The following TMED10 variants were observed in gnomAD, a reference collection of about 807,000 sequenced individuals.
TMED10 encodes the protein transmembrane p24 trafficking protein 10.
A neutral mutation model predicts 23.1 loss-of-function variants in TMED10; 7 were observed. That is an observed-to-expected ratio of 0.30 (90% confidence interval 0.17 to 0.57). The LOEUF (loss-of-function observed/expected upper bound fraction) is 0.57. TMED10 is among the 20% of genes least tolerant of loss of function. The pLI is 0.91. For synonymous variants in TMED10, 113 were observed against 106.9 expected, an observed-to-expected ratio of 1.06 and a Z score of -0.35; for missense variants, 162 against 274.8, an observed-to-expected ratio of 0.59 and a Z score of 2.90.
At chr14:75,140,526 G>A (rs1895809548) in intron 3 of TMED10, among the ~76,000 whole-genome samples, 1 of 152,054 alleles carries the variant, frequency 6.6e-6, no homozygotes. Flanking sequence ...TGGCCAACAT[G>A]GTGAAACCCA....
chr14:75,172,174 G>A (rs1896242156), intron 1 of TMED10, among the ~76,000 whole-genome samples: 1 of 152,122 alleles, frequency 6.6e-6, no homozygotes, highest in Non-Finnish European at 1.5e-5. Flanking sequence ...CAATTGCAAG[G>A]ATAAAAAAGG....
At chr14:75,166,877 T>C (rs748000361) in intron 1 of TMED10, among the ~76,000 whole-genome samples, 3 of 151,596 alleles carry the variant, frequency 2.0e-5, no homozygotes, top group African/African-American at 4.9e-5. Flanking sequence ...TAAGGGTTCA[T>C]GGGATCGTTA....
Position 75,134,987 on chromosome 14 carries a change from G to A in TMED10, c.558C>T (p.Val186=). 1.2e-6 allele frequency: 2 copies of A among 1,613,938 alleles called. No individual in the cohort carries two copies. Among genetic ancestry groups the A allele is most frequent in the Non-Finnish European group, 1.7e-6 (2 of 1,179,950 alleles). ...ACATTGAAAAGATGCTGAAGTATAG[G>A]ACCCGAGTGTTTGTTGACTCTAAAA... ...RDTNESTNTR[V]LYFSIFSMFC... is the part of the protein sequence containing the mutation. The change falls in exon 5 of 5, where the codon GTC becomes GTT. Residue 186 remains valine, a synonymous_variant. Transcript: ENST00000303575.
rs962565134 is a variant in TMED10, at chr14:75,173,407, G to T, written c.225+2948C>A. ...AGGAAGGAAGGGAAGGAAGAGGGGA[G>T]GGGAGGGGAAGGGAAAAATCAGATG... On this transcript the variant is annotated intron_variant, in intron 1 of 4. Transcript: ENST00000303575. Among the ~76,000 whole-genome samples, 14 of 151,872 alleles carry T rather than the reference G, an allele frequency of 9.2e-5. 1 individual carries two copies. In the South Asian group the frequency reaches 2.9e-3, roughly 32 times the overall value.
chr14:75,164,583 T>A (rs1291835290), intron 1 of TMED10, among the ~76,000 whole-genome samples: 3 of 66,914 alleles, frequency 4.5e-5, no homozygotes, highest in African/African-American at 1.7e-4. Flanking sequence ...ATATATTTTT[T>A]TTTTTTTTTT....
chr14:75,146,568 T>C (rs531163514), intron 3 of TMED10, among the ~76,000 whole-genome samples: 1 of 152,346 alleles, frequency 6.6e-6, no homozygotes, highest in South Asian at 2.1e-4. Context: ...TAAATAGTTC[T>C]TGTGGTTTTT....
intron 1 of TMED10, among the ~76,000 whole-genome samples, chr14:75,166,035 G>A (rs982577254): frequency 2.0e-5 from 3 of 152,004 alleles, no homozygotes; most frequent in South Asian, 2.1e-4. Context: ...GGAGGGGAAC[G>A]AGAACGAAAG....
At chr14:75,157,455 C>A (rs1896032815) in intron 1 of TMED10, among the ~76,000 whole-genome samples, 1 of 152,032 alleles carries the variant, frequency 6.6e-6, no homozygotes, top group Non-Finnish European at 1.5e-5. Flanking sequence ...AGTTTGAGAC[C>A]AGCCTGGGCA....
intron 1 of TMED10, among the ~76,000 whole-genome samples, chr14:75,153,558 C>T (rs1455554653): frequency 6.6e-6 from 1 of 152,154 alleles, no homozygotes; most frequent in Non-Finnish European, 1.5e-5. Flanking sequence ...AAGCATATTT[C>T]ATCACTTAAG....
intron 1 of TMED10, among the ~76,000 whole-genome samples, chr14:75,173,820 T>G (rs1205184551): frequency 1.3e-5 from 2 of 152,220 alleles, no homozygotes; most frequent in African/African-American, 4.8e-5. Flanking sequence ...AGCCACTGCC[T>G]CCCAGGTTCT....
chr14:75,136,305 T>G (rs1474322791), intron 3 of TMED10, among the ~76,000 whole-genome samples: 1 of 152,098 alleles, frequency 6.6e-6, no homozygotes, highest in African/African-American at 2.4e-5. Flanking sequence ...ACCACAGTCA[T>G]GCACTGCCAC....
chr14:75,157,553 G>A (rs1896033781), intron 1 of TMED10, among the ~76,000 whole-genome samples: 1 of 152,130 alleles, frequency 6.6e-6, no homozygotes, highest in Admixed American at 6.5e-5. Flanking sequence ...AGGAGGCTGA[G>A]ATGGGAGGAC....
chr14:75,172,141 A>C (rs1043105503), intron 1 of TMED10, among the ~76,000 whole-genome samples: 11 of 152,310 alleles, frequency 7.2e-5, no homozygotes, highest in South Asian at 6.2e-4. Flanking sequence ...ACATTCTTTT[A>C]AGAGCAATTG....
At chr14:75,165,382 C>A (rs1335842659) in intron 1 of TMED10, among the ~76,000 whole-genome samples, 2 of 152,118 alleles carry the variant, frequency 1.3e-5, no homozygotes, top group Non-Finnish European at 2.9e-5. Context: ...CATACGCCAC[C>A]ATGCACGGCT....
At chr14:75,166,797 T>G (rs146696342) in intron 1 of TMED10, among the ~76,000 whole-genome samples, 2 of 152,312 alleles carry the variant, frequency 1.3e-5, no homozygotes, top group East Asian at 3.9e-4. Context: ...TCTAACCCAG[T>G]GAACAACAGT....
chr14:75,169,195 C>T (rs1436272406), intron 1 of TMED10, among the ~76,000 whole-genome samples: 1 of 152,166 alleles, frequency 6.6e-6, no homozygotes, highest in African/African-American at 2.4e-5. Flanking sequence ...GAAACCTAGT[C>T]TCTGTTCAAG....
chr14:75,148,737 A>C (rs1185422955), intron 2 of TMED10, among the ~76,000 whole-genome samples: 1 of 152,190 alleles, frequency 6.6e-6, no homozygotes, highest in African/African-American at 2.4e-5. Flanking sequence ...TTCTGAAATG[A>C]ACTGAAGTCA....
intron 1 of TMED10, among the ~76,000 whole-genome samples, chr14:75,169,361 C>G (rs1418502495): frequency 2.0e-5 from 3 of 152,160 alleles, no homozygotes; most frequent in Admixed American, 2.0e-4. Context: ...CACAGAGACC[C>G]TTATAAGAAA....
At chr14:75,174,963 C>G (rs2139866710) in intron 1 of TMED10, among the ~76,000 whole-genome samples, 1 of 149,182 alleles carries the variant, frequency 6.7e-6, no homozygotes, top group African/African-American at 2.5e-5. Context: ...TTGCTTGAAA[C>G]CGGGAGGCAG....
Sources: allele counts gnomAD v4.1 joint callset (sites outside exome capture counted in the v4.1 genomes callset), GRCh38; gene constraint gnomAD v4.1.1; transcripts MANE v1.5; gene names NCBI Gene and HGNC (gene_info 2026-07-23, HGNC 2026-07-21).